PSPC1: variants seen among roughly 807,000 people sequenced by gnomAD.
The protein encoded by PSPC1 is paraspeckle protein 1.
A neutral mutation model predicts 51.6 loss-of-function variants in PSPC1; 14 were observed. The ratio of observed to expected loss-of-function variants is 0.27; its 90% CI spans 0.18 to 0.42. The LOEUF (loss-of-function observed/expected upper bound fraction) is 0.42, where lower values mean the gene tolerates loss of function less well. Ranked by LOEUF, PSPC1 falls within the 10% of genes least tolerant of loss-of-function variation. The pLI is 1.00. For missense variants in PSPC1, 406 were observed against 701.1 expected, an observed-to-expected ratio of 0.58 and a Z score of 4.75; for synonymous variants, 193 against 231.9, an observed-to-expected ratio of 0.83 and a Z score of 1.53.
chr13:19,690,523 C>T (rs949449790), intron 6 of PSPC1, among the ~76,000 whole-genome samples: 5 of 152,256 alleles, frequency 3.3e-5, no homozygotes, highest in Admixed American at 3.3e-4. Context: ...TCATTTAAAA[C>T]TCAATTAGAA....
At chr13:19,724,277 TAAC>T (rs1883103352) in intron 6 of PSPC1, among the ~76,000 whole-genome samples, 3 of 152,158 alleles carry the variant, frequency 2.0e-5, no homozygotes, top group Admixed American at 2.0e-4. Flanking sequence ...CATTAGTAAA[TAAC>T]AACAGGATCA....
chr13:19,742,550 C>A (rs1885542463), intron 4 of PSPC1, among the ~76,000 whole-genome samples: 1 of 152,098 alleles, frequency 6.6e-6, no homozygotes, highest in African/African-American at 2.4e-5. Flanking sequence ...ACCAGCATGG[C>A]CAACATGGCG....
At chr13:19,731,880 G>A (rs1884164381) in intron 5 of PSPC1, among the ~76,000 whole-genome samples, 2 of 152,138 alleles carry the variant, frequency 1.3e-5, no homozygotes, top group African/African-American at 4.8e-5. Context: ...CAAGGTGTAT[G>A]CCCTCCACCA....
At chr13:19,742,862 A>G (rs1393809452) in intron 4 of PSPC1, among the ~76,000 whole-genome samples, 1 of 152,210 alleles carries the variant, frequency 6.6e-6, no homozygotes, top group Non-Finnish European at 1.5e-5. Flanking sequence ...ATAAAACCCA[A>G]GGAACCTCCC....
chr13:19,673,781 G>C (rs1363914545), downstream of PSPC1, among the ~76,000 whole-genome samples: 2 of 152,166 alleles, frequency 1.3e-5, no homozygotes, highest in African/African-American at 2.4e-5. Context: ...AAATTATCCG[G>C]GGGAAAAAGC....
intron 3 of PSPC1, among the ~76,000 whole-genome samples, chr13:19,755,958 CG>C (rs1315558679): frequency 6.6e-6 from 1 of 152,008 alleles, no homozygotes; most frequent in African/African-American, 2.4e-5. Context: ...ACAAGTGGGC[CG>C]GGCGCAGTGG....
chr13:19,780,941 G>C lies in PSPC1; in HGVS notation c.372+1445C>G, dbSNP rs531426396. 7.9e-5 allele frequency among the ~76,000 whole-genome samples: 12 copies of C among 152,168 alleles called. No homozygotes were observed. The South Asian group carries it at 2.5e-3, about 32-fold the overall frequency. On this transcript the variant is annotated intron_variant, in intron 1 of 8. Transcript: ENST00000338910. Reference sequence around the variant, plus strand: ...GGAGGCCAAGGCGGGAGGATCGTTTGAGCCCAGGAATTCGAAAGCAACCTG... The same window carrying C: ...GGAGGCCAAGGCGGGAGGATCGTTTCAGCCCAGGAATTCGAAAGCAACCTG...
chr13:19,720,868 G>C (rs920277025), intron 6 of PSPC1, among the ~76,000 whole-genome samples: 4 of 152,044 alleles, frequency 2.6e-5, no homozygotes, highest in African/African-American at 7.2e-5. Context: ...AAAAGTCTTT[G>C]AAAGTTTGTA....
chr13:19,700,519 T>A (rs944904166), downstream of PSPC1, among the ~76,000 whole-genome samples: 8 of 152,050 alleles, frequency 5.3e-5, no homozygotes, highest in African/African-American at 1.9e-4. Context: ...TGAATCAGTT[T>A]TTTAAAATCT....
At chr13:19,761,107 T>C (rs1887570184) in intron 2 of PSPC1, among the ~76,000 whole-genome samples, 1 of 152,076 alleles carries the variant, frequency 6.6e-6, no homozygotes. Context: ...ATAGAGCCAC[T>C]GCACTCTAAC....
intron 5 of PSPC1, among the ~76,000 whole-genome samples, chr13:19,738,917 A>C (rs1031743966): frequency 7.2e-5 from 11 of 152,038 alleles, no homozygotes; most frequent in African/African-American, 2.7e-4. Context: ...AAAAAAAAAA[A>C]AAAAGAGAAT....
chr13:19,721,559 C>T (rs957938904), intron 6 of PSPC1, among the ~76,000 whole-genome samples: 6 of 152,160 alleles, frequency 3.9e-5, no homozygotes, highest in Non-Finnish European at 8.8e-5. Context: ...AGTACCAAGA[C>T]TATTTAATGA....
intron 8 of PSPC1, among the ~76,000 whole-genome samples, chr13:19,703,934 T>C (rs1238664080): frequency 6.6e-6 from 1 of 152,184 alleles, no homozygotes; most frequent in Non-Finnish European, 1.5e-5. Context: ...GTTTTAAAAA[T>C]TAATGTAATA....
At chr13:19,709,830 T>TA (rs1881172949) in intron 6 of PSPC1, among the ~76,000 whole-genome samples, 1 of 151,148 alleles carries the variant, frequency 6.6e-6, no homozygotes, top group Non-Finnish European at 1.5e-5. Flanking sequence ...ATTAGATTAC[T>TA]AATGAATCAG....
At chr13:19,697,677 T>C (rs1879419213), downstream of PSPC1, among the ~76,000 whole-genome samples, 1 of 152,148 alleles carries the variant, frequency 6.6e-6, no homozygotes, top group South Asian at 2.1e-4. Flanking sequence ...AGCAACTTAC[T>C]ATTATTGCCT....
intron 1 of PSPC1, among the ~76,000 whole-genome samples, chr13:19,773,118 C>A (rs1888773522): frequency 6.6e-6 from 1 of 151,906 alleles, no homozygotes; most frequent in Admixed American, 6.6e-5. Flanking sequence ...TGAGATGGCG[C>A]TACTGCACTC....
At chr13:19,765,341 A>ATTATTATTATT (rs1555248065) in intron 2 of PSPC1, among the ~76,000 whole-genome samples, 1 of 132,638 alleles carries the variant, frequency 7.5e-6, no homozygotes, top group African/African-American at 3.0e-5. Flanking sequence ...TAATAATAAT[A>ATTATTATTATT]ATAATTATTA....
At chr13:19,724,860 G>A (rs904287908) in intron 6 of PSPC1, among the ~76,000 whole-genome samples, 16 of 152,194 alleles carry the variant, frequency 1.1e-4, no homozygotes, top group African/African-American at 3.4e-4. Context: ...TTACCCAGGC[G>A]TGGTGGCGCA....
At chr13:19,715,579 C>T (rs1439079833) in intron 6 of PSPC1, among the ~76,000 whole-genome samples, 1 of 152,142 alleles carries the variant, frequency 6.6e-6, no homozygotes, top group Non-Finnish European at 1.5e-5. Flanking sequence ...GTAGGCAAAA[C>T]TTTCACGCAC....
Sources: gnomAD v4.1 joint callset for allele counts (sites outside exome capture counted in the v4.1 genomes callset) on GRCh38, gnomAD v4.1.1 for gene constraint, MANE v1.5 for transcripts, NCBI Gene and HGNC (gene_info 2026-07-23, HGNC 2026-07-21) for gene names.